ST3GAL3: variants seen among roughly 807,000 people sequenced by gnomAD.
ST3GAL3 encodes the protein ST3 beta-galactoside alpha-2,3-sialyltransferase 3, also known as CMP-N-acetylneuraminate-beta-1,4-galactoside alpha-2,3-sialyltransferase.
In ST3GAL3, 21 loss-of-function variants were observed where a neutral mutation model predicts 50.1. That is an observed-to-expected ratio of 0.42 (90% confidence interval 0.30 to 0.60). The LOEUF (loss-of-function observed/expected upper bound fraction) is 0.60. Among genes scored for constraint, ST3GAL3 ranks in the 20% least tolerant of loss-of-function variants. The probability of loss-of-function intolerance (pLI) is 0.19; values close to 1 mark genes in which losing one functional copy is unlikely to be tolerated. For missense variants in ST3GAL3, 353 were observed against 489.4 expected, an observed-to-expected ratio of 0.72 and a Z score of 2.63; for synonymous variants, 183 against 190.0, an observed-to-expected ratio of 0.96 and a Z score of 0.30.
chr1:43,906,109 T>C (rs1199249723), intron 9 of ST3GAL3, among the ~76,000 whole-genome samples: 23 of 60,506 alleles, frequency 3.8e-4, no homozygotes, highest in Admixed American at 8.7e-4. Flanking sequence ...TCCTGCCACT[T>C]TTCCTCCCCC....
intron 4 of ST3GAL3, among the ~76,000 whole-genome samples, chr1:43,821,001 T>C (rs2062021135): frequency 6.6e-6 from 1 of 152,196 alleles, no homozygotes. Flanking sequence ...GACTTCAGCT[T>C]GCCTCCTGCT....
At chr1:43,893,229 G>A (rs957810734) in intron 5 of ST3GAL3, among the ~76,000 whole-genome samples, 4 of 152,194 alleles carry the variant, frequency 2.6e-5, no homozygotes, top group Non-Finnish European at 5.9e-5. Context: ...TTGCTTCTGG[G>A]CTTGGAGGGC....
intron 4 of ST3GAL3, among the ~76,000 whole-genome samples, chr1:43,837,662 G>C (rs1468862289): frequency 6.6e-6 from 1 of 152,188 alleles, no homozygotes; most frequent in Non-Finnish European, 1.5e-5. Flanking sequence ...TTGGTTTCAG[G>C]CTTCCTGCAA....
intron 9 of ST3GAL3, chr1:43,919,136 G>C (rs1452180390): frequency 2.4e-5 from 3 of 126,402 alleles, no homozygotes; most frequent in Non-Finnish European, 4.8e-5. Context: ...GGAGTGCAGT[G>C]GTGCAATGTC....
chr1:43,894,443 G>A lies in ST3GAL3; in HGVS notation c.363G>A (p.Arg121=). Residue 121 remains arginine, a synonymous_variant, in exon 6 of 12, where the codon CGG becomes CGA. Coordinates refer to ENST00000347631, the MANE Select transcript of ST3GAL3 (RefSeq NM_006279.5). ...CCTTTCGCAAGTGGGCTAGAATCCG[G>A]GAGTTCGTGCCGCCTTTTGGGATCA... ...DDSFRKWARI[R]EFVPPFGIKG... The A allele has an allele frequency of 6.2e-7, 1 of 1,614,114 alleles. No homozygotes were observed. The highest frequency in any genetic ancestry group is 8.5e-7 in the Non-Finnish European group (1 of 1,180,030).
At chr1:43,929,360 A>G (rs1224357939) in intron 11 of ST3GAL3, among the ~76,000 whole-genome samples, 4 of 151,408 alleles carry the variant, frequency 2.6e-5, no homozygotes, top group Middle Eastern at 3.2e-3. Context: ...GCTGGAGTGC[A>G]GTGGCGCGAT....
At chr1:43,765,784 T>TGTGTGTGTGC (rs757167336) in intron 2 of ST3GAL3, among the ~76,000 whole-genome samples, 6 of 136,878 alleles carry the variant, frequency 4.4e-5, no homozygotes, top group Non-Finnish European at 7.7e-5. Context: ...TGTGTGTGTG[T>TGTGTGTGTGC]GCGCGCGCGC....
chr1:43,817,812 C>CCTCCTCCTT (rs1179799483), intron 4 of ST3GAL3, among the ~76,000 whole-genome samples: 4 of 137,660 alleles, frequency 2.9e-5, no homozygotes, highest in Non-Finnish European at 6.3e-5. Context: ...TCCTCCTTCT[C>CCTCCTCCTT]CTCCTCCTTC....
chr1:43,873,467 G>T (rs1404946373), intron 5 of ST3GAL3, among the ~76,000 whole-genome samples: 1 of 152,158 alleles, frequency 6.6e-6, no homozygotes, highest in East Asian at 1.9e-4. Flanking sequence ...ATGCCTCTTA[G>T]ACATCCAAGT....
At chr1:43,756,310 A>G (rs983366672) in intron 2 of ST3GAL3, among the ~76,000 whole-genome samples, 4 of 152,044 alleles carry the variant, frequency 2.6e-5, no homozygotes, top group African/African-American at 9.7e-5. Context: ...TGGGGTGAAG[A>G]GTGAAGGGAG....
intron 4 of ST3GAL3, among the ~76,000 whole-genome samples, chr1:43,828,280 C>A (rs772956902): frequency 6.6e-6 from 1 of 152,068 alleles, no homozygotes; most frequent in Non-Finnish European, 1.5e-5. Context: ...AAATGCAAAA[C>A]CTGAAACTAT....
chr1:43,741,649 C>T (rs910611104), intron 2 of ST3GAL3, among the ~76,000 whole-genome samples: 4 of 152,264 alleles, frequency 2.6e-5, no homozygotes, highest in African/African-American at 9.6e-5. Flanking sequence ...TGGCCTCTGG[C>T]TTAGGGAGGT....
At chr1:43,862,257 A>G (rs914010595) in intron 5 of ST3GAL3, among the ~76,000 whole-genome samples, 4 of 152,188 alleles carry the variant, frequency 2.6e-5, no homozygotes, top group African/African-American at 9.6e-5. Flanking sequence ...ACTCCAGCTC[A>G]GATGTCACCT....
intron 3 of ST3GAL3, among the ~76,000 whole-genome samples, chr1:43,802,773 A>G (rs1179294681): frequency 2.6e-5 from 4 of 152,258 alleles, no homozygotes; most frequent in Non-Finnish European, 5.9e-5. Context: ...TTTCTCAGTA[A>G]TGAAAGTGAG....
At chr1:43,819,467 A>T (rs1188664998) in intron 4 of ST3GAL3, among the ~76,000 whole-genome samples, 1 of 132,902 alleles carries the variant, frequency 7.5e-6, no homozygotes, top group Non-Finnish European at 1.6e-5. Context: ...TGTAAAAGAC[A>T]TTCTTAACTT....
At chr1:43,709,976 A>G (rs1463873079) in intron 1 of ST3GAL3, among the ~76,000 whole-genome samples, 1 of 151,880 alleles carries the variant, frequency 6.6e-6, no homozygotes, top group African/African-American at 2.4e-5. Context: ...AGTTCTCTCA[A>G]CCCAGAAGCG....
chr1:43,920,112 GC>G, intron 9 of ST3GAL3: 1 of 457,298 alleles, frequency 2.2e-6, no homozygotes, highest in Non-Finnish European at 4.1e-6. Context: ...TCAGGCCACA[GC>G]AGCACACCCA....
At chr1:43,808,491 G>A (rs538240027) in intron 3 of ST3GAL3, among the ~76,000 whole-genome samples, 2 of 152,242 alleles carry the variant, frequency 1.3e-5, no homozygotes, top group African/African-American at 4.8e-5. Context: ...AAAAAATATG[G>A]AAATATTTTC....
Position 43,930,798 on chromosome 1 carries a change from G to T in ST3GAL3, c.*577G>T. ...GACACTGTTTGGCCTTTCTTGGGGA[G>T]AAGGCGGGGTATTCCCACTCACCAG... On this transcript the variant is annotated 3_prime_UTR_variant, in exon 12 of 12. Coordinates refer to ENST00000347631, the MANE Select transcript of ST3GAL3 (RefSeq NM_006279.5). 5.2e-6 allele frequency: 1 copy of T among 193,210 alleles called. No homozygotes were observed. The highest frequency in any genetic ancestry group is 1.1e-4 in the South Asian group (1 of 9,422). The allele number at this position is 193,210 out of a possible 1,614,324, so 12.0% of individuals were successfully genotyped here. A position where few individuals can be genotyped will look rare whatever the true frequency, so the allele number is the denominator to read the frequency against.
Sources: allele counts gnomAD v4.1 joint callset (sites outside exome capture counted in the v4.1 genomes callset), GRCh38; gene constraint gnomAD v4.1.1; transcripts MANE v1.5; gene names NCBI Gene and HGNC (gene_info 2026-07-23, HGNC 2026-07-21).